Variants in CARNMT1 observed in about 807,000 individuals in gnomAD.
The protein encoded by CARNMT1 is carnosine N-methyltransferase 1, also known as protein-L-histidine N-pros-methyltransferase CARNMT1.
In CARNMT1, 28 loss-of-function variants were observed where a neutral mutation model predicts 49.6. The observed-to-expected ratio is 0.56, with a 90% CI of 0.42 to 0.77. CARNMT1 has a LOEUF of 0.77. Among genes scored for constraint, CARNMT1 ranks in the 30% least tolerant of loss-of-function variants. The pLI is 0.00. For missense variants in CARNMT1, 421 were observed against 512.6 expected, an observed-to-expected ratio of 0.82 and a Z score of 1.73; for synonymous variants, 178 against 175.0, an observed-to-expected ratio of 1.02 and a Z score of -0.13.
intron 1 of CARNMT1, 106 bp downstream of exon 1, chr9:75,027,906 C>T: frequency 7.7e-7 from 1 of 1,295,186 alleles, no homozygotes; most frequent in Non-Finnish European, 1.0e-6. Context: ...GTCCCGACGC[C>T]TCGGAGGCGT....
At chr9:74,998,512 T>C in intron 5 of CARNMT1, 86 bp downstream of exon 5, 1 of 1,091,692 alleles carries the variant, frequency 9.2e-7, no homozygotes, top group Non-Finnish European at 1.3e-6. Context: ...TCAAAATGAA[T>C]GATCTAAACC....
chr9:75,004,587 C>T (rs1833450041), intron 3 of CARNMT1, among the ~76,000 whole-genome samples: 1 of 152,208 alleles, frequency 6.6e-6, no homozygotes, highest in African/African-American at 2.4e-5. Context: ...TGGCAGTCTA[C>T]ATTTTCTCCA....
chr9:75,008,878 C>G (rs567398404), intron 3 of CARNMT1, among the ~76,000 whole-genome samples: 1 of 152,020 alleles, frequency 6.6e-6, no homozygotes, highest in Non-Finnish European at 1.5e-5. Flanking sequence ...AAACAACAAA[C>G]GAGGACTCAC....
rs999844759 is a variant in CARNMT1, at chr9:74,998,638, A to G, written c.870T>C (p.Ser290=). 1.3e-6 allele frequency: 2 copies of G among 1,598,290 alleles called. No homozygotes were observed. Among genetic ancestry groups the G allele is most frequent in the African/African-American group, 2.7e-5 (2 of 74,158 alleles). The change falls in exon 5 of 8, where the codon TCT becomes TCC. Residue 290 remains serine, a synonymous_variant. Transcript: ENST00000376834. ...TCTCTTGAAAATCTCCTGCTGTCATAGAAAAGTTAGAACCAGGAGGAAGAC... is the reference window on the plus strand; with the variant it reads ...TCTCTTGAAAATCTCCTGCTGTCATGGAAAAGTTAGAACCAGGAGGAAGAC... ...PHSLPPGSNF[S]MTAGDFQEIY...
chr9:74,980,892 A>G lies in CARNMT1; in HGVS notation c.*2875T>C, dbSNP rs558950225. 34 of 152,190 alleles carry G rather than the reference A, an allele frequency of 2.2e-4. No homozygotes were observed. Among genetic ancestry groups the G allele is most frequent in the Non-Finnish European group, 4.7e-4 (32 of 68,002 alleles). 9.4% of individuals were successfully genotyped at this position (152,190 alleles called of 1,614,324 possible). ...TGGCATATTATAAGGCGAAGTATTCATGTTACTGACTTCTTAGAAGCATAT... is the reference window on the plus strand; with the variant it reads ...TGGCATATTATAAGGCGAAGTATTCGTGTTACTGACTTCTTAGAAGCATAT... On this transcript the variant is annotated 3_prime_UTR_variant, in exon 8 of 8. Coordinates refer to ENST00000376834, the MANE Select transcript of CARNMT1 (RefSeq NM_152420.3).
chr9:75,019,711 CTT>C (rs1479068158), intron 1 of CARNMT1, among the ~76,000 whole-genome samples: 1 of 152,206 alleles, frequency 6.6e-6, no homozygotes, highest in African/African-American at 2.4e-5. Context: ...GTAACCCCCT[CTT>C]TAAGATGTCC....
rs142472011 is a variant in CARNMT1 at position 75,013,084 on chromosome 9, G to T, written c.590+3184C>A. Among the ~76,000 whole-genome samples, 50 of 152,136 alleles carry T rather than the reference G, an allele frequency of 3.3e-4. 1 individual carries two copies. The South Asian group carries it at 9.8e-3, about 30-fold the overall frequency. ...AAGGGCCCCACAATTTTTTGTCTTT[G>T]ATATTAGCTCCAATTCTCATAAGTA... is the stretch of plus-strand genomic sequence containing the variant. On this transcript the variant is annotated intron_variant, in intron 3 of 7. Coordinates refer to ENST00000376834, the MANE Select transcript of CARNMT1 (RefSeq NM_152420.3).
Position 75,014,020 on chromosome 9 carries a change from T to TA in CARNMT1, c.590+2247dup, listed in dbSNP as rs56029312. Among the ~76,000 whole-genome samples the TA allele has an allele frequency of 6.6e-3, 446 of 67,352 alleles. 4 individuals are homozygous for TA. Among genetic ancestry groups the TA allele is most frequent in the African/African-American group, 0.022 (329 of 15,260 alleles). 44.2% of individuals were successfully genotyped at this position (67,352 alleles called of 152,430 possible). A position where few individuals can be genotyped will look rare whatever the true frequency, so the allele number is the denominator to read the frequency against. On this transcript the variant is annotated intron_variant, in intron 3 of 7. Transcript: ENST00000376834. ...AAAAAAAAAACCACATCCACTTACT[T>TA]AAAAAAAAAAAAAAAAAAAAACCCC...
chr9:75,010,119 C>CTTTTTTT (rs1187457398), intron 3 of CARNMT1: 8 of 82,274 alleles, frequency 9.7e-5, no homozygotes, highest in Non-Finnish European at 1.7e-4. Context: ...GGAAGAAATT[C>CTTTTTTT]TTTTTTTTTT....
intron 3 of CARNMT1, 39 bp downstream of exon 3, chr9:75,016,217 TCAAGTGTTCATA>T (rs1564104463): frequency 7.4e-7 from 1 of 1,343,660 alleles, no homozygotes; most frequent in Non-Finnish European, 1.0e-6. Context: ...ATCAAGAAAC[TCAAGTGTTCATA>T]CACTTTAAAA....
At position 74,982,748 on chromosome 9, in the gene CARNMT1, ACT is replaced by A. The variant is rs1267808858; in HGVS notation, c.*1017_*1018del. ...ATTATTGTAAACATCACACTGTCAA[ACT>A]CTGTATTCATTTAGAGTCTGAAAAT... On this transcript the variant is annotated 3_prime_UTR_variant, in exon 8 of 8. Transcript: ENST00000376834. The A allele has an allele frequency of 1.3e-5, 2 of 152,176 alleles. No individual in the cohort carries two copies. Among genetic ancestry groups the A allele is most frequent in the African/African-American group, 2.4e-5 (1 of 41,446 alleles). 9.4% of individuals were successfully genotyped at this position (152,176 alleles called of 1,614,324 possible).
chr9:74,989,499 G>T (rs897561199), intron 6 of CARNMT1, among the ~76,000 whole-genome samples: 1 of 152,028 alleles, frequency 6.6e-6, no homozygotes, highest in Non-Finnish European at 1.5e-5. Flanking sequence ...CCCCTTTAAA[G>T]AATTTTTTTA....
At chr9:75,000,223 G>A (rs1342326563) in intron 3 of CARNMT1, among the ~76,000 whole-genome samples, 1 of 151,336 alleles carries the variant, frequency 6.6e-6, no homozygotes, top group African/African-American at 2.4e-5. Flanking sequence ...AATATGAAGA[G>A]TTTGAACAAA....
Position 74,985,053 on chromosome 9 carries a change from C to T in CARNMT1, c.1025-43G>A, listed in dbSNP as rs761254008. ...TATGAATTACTTGAATATAAACATA[C>T]ACTCATAGCTGTGTTACACTGAATT... is the stretch of plus-strand genomic sequence containing the variant. On this transcript the variant is annotated intron_variant, in intron 6 of 7. Transcript: ENST00000376834. 6.6e-6 allele frequency: 9 copies of T among 1,359,482 alleles called. No homozygotes were observed. In the South Asian group the frequency reaches 1.1e-4, roughly 16 times the overall value. 84.2% of individuals were successfully genotyped at this position (1,359,482 alleles called of 1,614,324 possible).
upstream of CARNMT1, chr9:75,028,334 C>G: frequency 7.6e-7 from 1 of 1,312,214 alleles, no homozygotes; most frequent in South Asian, 2.2e-5. Context: ...CGGCGCCCGC[C>G]GCGGACATGC....
chr9:75,009,118 AAAG>A (rs1440309912), intron 3 of CARNMT1, among the ~76,000 whole-genome samples: 1 of 142,260 alleles, frequency 7.0e-6, no homozygotes, highest in Non-Finnish European at 1.5e-5. Flanking sequence ...TCCATATGCA[AAAG>A]AATAAAGTTG....
chr9:74,998,899 A>T, intron 4 of CARNMT1, 123 bp from the exon 5 acceptor site: 1 of 530,544 alleles, frequency 1.9e-6, no homozygotes, highest in South Asian at 5.3e-5. Context: ...TTAAAGAGTC[A>T]CTATTACAGC....
At chr9:75,004,669 T>A (rs1361655137) in intron 3 of CARNMT1, among the ~76,000 whole-genome samples, 1 of 152,220 alleles carries the variant, frequency 6.6e-6, no homozygotes, top group African/African-American at 2.4e-5. Context: ...ATAATTTACA[T>A]TATTTATTTT....
At chr9:74,988,783 T>C (rs1451538021) in intron 6 of CARNMT1, among the ~76,000 whole-genome samples, 3 of 152,262 alleles carry the variant, frequency 2.0e-5, no homozygotes, top group African/African-American at 2.4e-5. Context: ...GAAATACTTG[T>C]AGTGGTAGGG....
Sources: allele counts gnomAD v4.1 joint callset (sites outside exome capture counted in the v4.1 genomes callset), GRCh38; gene constraint gnomAD v4.1.1; transcripts MANE v1.5; gene names NCBI Gene and HGNC (gene_info 2026-07-23, HGNC 2026-07-21).